TMEM200A: variants seen among roughly 807,000 people sequenced by gnomAD.
The protein encoded by TMEM200A is two transmembrane C.
A neutral mutation model predicts 24.3 loss-of-function variants in TMEM200A; 12 were observed. The observed-to-expected ratio is 0.49, with a 90% confidence interval of 0.32 to 0.80. The LOEUF (loss-of-function observed/expected upper bound fraction) is 0.80, where lower values mean the gene tolerates loss of function less well. TMEM200A is among the 30% of genes least tolerant of loss of function. The pLI, the probability that TMEM200A is intolerant of heterozygous loss-of-function variation, is 0.04. For synonymous variants in TMEM200A, 224 were observed against 224.4 expected, an observed-to-expected ratio of 1.00 and a Z score of 0.02; for missense variants, 545 against 614.4, an observed-to-expected ratio of 0.89 and a Z score of 1.19.
chr6:130,402,424 T>G (rs574381487), intron 2 of TMEM200A, among the ~76,000 whole-genome samples: 12 of 152,202 alleles, frequency 7.9e-5, no homozygotes, highest in African/African-American at 2.9e-4. Context: ...TTTTTATTAC[T>G]AACTGGATAA....
At chr6:130,381,939 A>G in intron 1 of TMEM200A, 3 of 985,242 alleles carry the variant, frequency 3.0e-6, no homozygotes, top group Non-Finnish European at 3.6e-6. Flanking sequence ...TCTTCCGTTC[A>G]CTCCAGAACA....
intron 2 of TMEM200A, among the ~76,000 whole-genome samples, chr6:130,430,347 G>C (rs1276858752): frequency 1.3e-5 from 2 of 152,072 alleles, no homozygotes; most frequent in Non-Finnish European, 1.5e-5. Context: ...TTGGGGGCTA[G>C]GATTTCAACA....
intron 2 of TMEM200A, among the ~76,000 whole-genome samples, chr6:130,431,967 A>T (rs551878007): frequency 1.6e-3 from 249 of 152,200 alleles, no homozygotes; most frequent in Non-Finnish European, 3.1e-3. Context: ...ACTTCCTTTT[A>T]GTTCCAGCAT....
At position 130,440,657 on chromosome 6, in the gene TMEM200A, G is replaced by T; in HGVS notation, c.235G>T (p.Ala79Ser). 6.2e-7 allele frequency: 1 copy of T among 1,613,786 alleles called. No individual in the cohort carries two copies. The highest frequency in any genetic ancestry group is 8.5e-7 in the Non-Finnish European group (1 of 1,179,758). Residue 79 changes from alanine to serine, a missense_variant, in exon 3 of 3, where the codon GCC becomes TCC. Coordinates refer to ENST00000296978, the MANE Select transcript of TMEM200A (RefSeq NM_001258277.2). ...CATCTCCATTATAGGAATTGCTATGGCCGTTCTTGGATATTGGCCCCAAAA... is the reference window on the plus strand; with the variant it reads ...CATCTCCATTATAGGAATTGCTATGTCCGTTCTTGGATATTGGCCCCAAAA... ...VLISIIGIAM[A>S]VLGYWPQKEH...
chr6:130,407,569 C>A (rs1726583811), intron 2 of TMEM200A, among the ~76,000 whole-genome samples: 2 of 152,222 alleles, frequency 1.3e-5, no homozygotes, highest in South Asian at 4.1e-4. Flanking sequence ...TGTACTTTTA[C>A]ACAGGTGTGT....
At chr6:130,388,419 G>T (rs964348080) in intron 2 of TMEM200A, among the ~76,000 whole-genome samples, 28 of 152,296 alleles carry the variant, frequency 1.8e-4, no homozygotes, top group Admixed American at 3.3e-4. Flanking sequence ...AGTTATATCT[G>T]CCCTCAATAA....
chr6:130,370,450 C>T (rs909662376), intron 1 of TMEM200A, among the ~76,000 whole-genome samples: 5 of 152,096 alleles, frequency 3.3e-5, no homozygotes, highest in Non-Finnish European at 4.4e-5. Context: ...GCAGTTCTGT[C>T]AAGATTACAT....
intron 2 of TMEM200A, among the ~76,000 whole-genome samples, chr6:130,400,932 A>G (rs1373127942): frequency 6.6e-6 from 1 of 152,046 alleles, no homozygotes; most frequent in African/African-American, 2.4e-5. Flanking sequence ...AAATAAATAA[A>G]CAAAATTTAG....
intron 2 of TMEM200A, among the ~76,000 whole-genome samples, chr6:130,386,769 G>T (rs1214513167): frequency 6.6e-6 from 1 of 152,148 alleles, no homozygotes; most frequent in African/African-American, 2.4e-5. Flanking sequence ...ACAGATAGGA[G>T]CTTGGAGCAT....
chr6:130,417,649 T>G (rs924638630), intron 2 of TMEM200A, among the ~76,000 whole-genome samples: 1 of 152,180 alleles, frequency 6.6e-6, no homozygotes, highest in African/African-American at 2.4e-5. Flanking sequence ...ATCATAACTT[T>G]ACACTTTATG....
chr6:130,433,206 G>A (rs1309471391), intron 2 of TMEM200A, among the ~76,000 whole-genome samples: 2 of 149,008 alleles, frequency 1.3e-5, no homozygotes, highest in East Asian at 2.0e-4. Flanking sequence ...GCAAGATCTC[G>A]GCTCACTGCT....
At chr6:130,382,221 G>A (rs1778615963) in intron 1 of TMEM200A, among the ~76,000 whole-genome samples, 2 of 152,208 alleles carry the variant, frequency 1.3e-5, no homozygotes, top group South Asian at 4.1e-4. Flanking sequence ...GTGGGGGGCA[G>A]TATGAAAGGC....
intron 2 of TMEM200A, among the ~76,000 whole-genome samples, chr6:130,407,066 C>T (rs1054059372): frequency 5.9e-5 from 9 of 151,926 alleles, no homozygotes; most frequent in African/African-American, 1.7e-4. Flanking sequence ...TATTTTCATA[C>T]GGGGAGAGTG....
At chr6:130,393,395 A>G (rs995290782) in intron 2 of TMEM200A, among the ~76,000 whole-genome samples, 9 of 152,234 alleles carry the variant, frequency 5.9e-5, no homozygotes, top group African/African-American at 1.9e-4. Context: ...TAGAAAATGA[A>G]GTAATTTTTC....
intron 2 of TMEM200A, among the ~76,000 whole-genome samples, chr6:130,396,850 G>A (rs1778966045): frequency 6.6e-6 from 1 of 152,098 alleles, no homozygotes. Context: ...TGAGAGTCCA[G>A]AAGGTACTGT....
intron 2 of TMEM200A, among the ~76,000 whole-genome samples, chr6:130,390,157 T>C (rs1778802644): frequency 6.6e-6 from 1 of 152,188 alleles, no homozygotes; most frequent in African/African-American, 2.4e-5. Flanking sequence ...AATTTAACTG[T>C]TTTTTCACTT....
At chr6:130,367,013 T>C (rs1562545199) in intron 1 of TMEM200A, among the ~76,000 whole-genome samples, 1 of 152,246 alleles carries the variant, frequency 6.6e-6, no homozygotes, top group South Asian at 2.1e-4. Context: ...ACTGAGGGCT[T>C]CTAAGATTTG....
At chr6:130,387,683 C>T (rs1778742043) in intron 2 of TMEM200A, among the ~76,000 whole-genome samples, 1 of 152,206 alleles carries the variant, frequency 6.6e-6, no homozygotes, top group African/African-American at 2.4e-5. Flanking sequence ...CTTAAGCCAA[C>T]AGCACTCAAA....
intron 2 of TMEM200A, among the ~76,000 whole-genome samples, chr6:130,403,214 T>C (rs543225192): frequency 1.5e-3 from 221 of 152,220 alleles, no homozygotes; most frequent in African/African-American, 5.1e-3. Flanking sequence ...TAAATTGAAC[T>C]CTTTTGATAA....
Sources: gnomAD v4.1 joint callset for allele counts (sites outside exome capture counted in the v4.1 genomes callset) on GRCh38, gnomAD v4.1.1 for gene constraint, MANE v1.5 for transcripts, NCBI Gene and HGNC (gene_info 2026-07-23, HGNC 2026-07-21) for gene names.